Variants in FAF1 observed in about 807,000 individuals in gnomAD.
FAF1 encodes FAS-associated factor 1.
A neutral mutation model predicts 92.5 loss-of-function variants in FAF1; 25 were observed. The observed-to-expected ratio is 0.27, with a 90% confidence interval of 0.20 to 0.38. The LOEUF is 0.38. Among genes scored for constraint, FAF1 ranks in the 10% least tolerant of loss-of-function variants. The pLI is 1.00. For missense variants in FAF1, 636 were observed against 793.3 expected, an observed-to-expected ratio of 0.80 and a Z score of 2.38; for synonymous variants, 234 against 273.2, an observed-to-expected ratio of 0.86 and a Z score of 1.42.
chr1:50,895,555 C>A (rs536782104), intron 1 of FAF1, among the ~76,000 whole-genome samples: 1 of 152,126 alleles, frequency 6.6e-6, no homozygotes, highest in South Asian at 2.1e-4. Flanking sequence ...AAACCAAAGA[C>A]ACATCAAAAA....
chr1:50,691,686 G>A (rs1039223598), intron 7 of FAF1, among the ~76,000 whole-genome samples: 3 of 152,112 alleles, frequency 2.0e-5, no homozygotes, highest in Non-Finnish European at 4.4e-5. Context: ...CACCTCCCGG[G>A]TTCAAGCAAT....
chr1:50,747,531 T>G (rs1181652054), intron 4 of FAF1, among the ~76,000 whole-genome samples: 1 of 152,168 alleles, frequency 6.6e-6, no homozygotes, highest in Non-Finnish European at 1.5e-5. Flanking sequence ...GTAACCTGCT[T>G]TTGCTTTTAC....
Position 50,778,316 on chromosome 1 carries a change from T to C in FAF1, c.367+9684A>G, listed in dbSNP as rs147880501. Among the ~76,000 whole-genome samples, 130 of 152,282 alleles carry C rather than the reference T, an allele frequency of 8.5e-4. No individual in the cohort carries two copies. The East Asian group carries it at 0.016, about 19-fold the overall frequency. On this transcript the variant is annotated intron_variant, in intron 4 of 18. Transcript: ENST00000396153. ...CTTCTAACGTGCAATAAATATTCTCTATCTGGATCTGGGTGGTGGTGGTTC... is the reference window on the plus strand; with the variant it reads ...CTTCTAACGTGCAATAAATATTCTCCATCTGGATCTGGGTGGTGGTGGTTC...
chr1:50,483,911 G>T (rs1334476135), intron 17 of FAF1, among the ~76,000 whole-genome samples: 1 of 152,120 alleles, frequency 6.6e-6, no homozygotes, highest in Non-Finnish European at 1.5e-5. Flanking sequence ...GGTGGGGAGG[G>T]TAGGATCAGT....
At chr1:50,485,696 A>C (rs200989462) in intron 17 of FAF1, among the ~76,000 whole-genome samples, 8,996 of 141,440 alleles carry the variant, frequency 0.064, 405 homozygotes, top group Non-Finnish European at 0.087. Flanking sequence ...AAAAAAAAAA[A>C]CCAAAAAAAC....
chr1:50,516,866 G>A (rs1480556734), intron 15 of FAF1, among the ~76,000 whole-genome samples: 3 of 152,214 alleles, frequency 2.0e-5, no homozygotes, highest in Non-Finnish European at 4.4e-5. Context: ...TGGTTGCAAA[G>A]TTGAATCTAT....
chr1:50,688,034 C>G (rs1334806161), intron 7 of FAF1, among the ~76,000 whole-genome samples: 9 of 151,836 alleles, frequency 5.9e-5, no homozygotes, highest in Non-Finnish European at 1.5e-5. Context: ...ACTCGGGAGG[C>G]TGAGGCAGAA....
chr1:50,795,513 A>G (rs1661716887), intron 3 of FAF1, among the ~76,000 whole-genome samples: 1 of 152,190 alleles, frequency 6.6e-6, no homozygotes, highest in South Asian at 2.1e-4. Flanking sequence ...CTTACTAAAG[A>G]TTCAGTTATG....
At chr1:50,602,203 A>G (rs1446912412) in intron 8 of FAF1, among the ~76,000 whole-genome samples, 1 of 152,244 alleles carries the variant, frequency 6.6e-6, no homozygotes, top group African/African-American at 2.4e-5. Context: ...TTTGTAAAAT[A>G]CAATTCTCTT....
chr1:50,556,238 C>CAAAAAA (rs34420030), intron 13 of FAF1, among the ~76,000 whole-genome samples: 43 of 73,708 alleles, frequency 5.8e-4, no homozygotes, highest in East Asian at 1.0e-3. Flanking sequence ...ACTCCATCTC[C>CAAAAAA]AAAAAAAAAA....
chr1:50,681,523 T>C (rs972701212), intron 7 of FAF1, among the ~76,000 whole-genome samples: 2 of 152,170 alleles, frequency 1.3e-5, no homozygotes, highest in Non-Finnish European at 2.9e-5. Context: ...TTTTCTTTTT[T>C]TGAGACAGAG....
intron 4 of FAF1, among the ~76,000 whole-genome samples, chr1:50,760,306 G>A (rs1171243433): frequency 1.3e-5 from 2 of 152,140 alleles, no homozygotes; most frequent in African/African-American, 2.4e-5. Flanking sequence ...ACGATACCCA[G>A]GAATTGAACT....
At chr1:50,803,503 A>G (rs1662078131) in intron 2 of FAF1, among the ~76,000 whole-genome samples, 1 of 152,150 alleles carries the variant, frequency 6.6e-6, no homozygotes, top group Admixed American at 6.5e-5. Context: ...TCAGCCACAA[A>G]AGTCCTACCT....
intron 2 of FAF1, among the ~76,000 whole-genome samples, chr1:50,833,146 G>A (rs905414908): frequency 9.2e-5 from 14 of 151,962 alleles, no homozygotes; most frequent in South Asian, 4.2e-4. Context: ...GTCAGACTCC[G>A]TAGGTTTAAA....
At chr1:50,738,443 C>CAAA (rs533056212) in intron 6 of FAF1, among the ~76,000 whole-genome samples, 10 of 78,978 alleles carry the variant, frequency 1.3e-4, no homozygotes, top group African/African-American at 2.1e-4. Context: ...AACTCCGTCG[C>CAAA]AAAAAAAAAA....
intron 4 of FAF1, among the ~76,000 whole-genome samples, chr1:50,756,850 C>G (rs999967019): frequency 2.0e-5 from 3 of 152,306 alleles, no homozygotes; most frequent in African/African-American, 7.2e-5. Context: ...ATCACGAGAA[C>G]AGCATGGGAA....
In FAF1 at chr1:50,692,302, AT is replaced by A. The variant is rs963474105; in HGVS notation, c.657+13483del. ...GTGTGTGTGTGTGTGTGGTGGGAAC[AT>A]TTAAATTCTAATCTTTTAGCAATTT... On this transcript the variant is annotated intron_variant, in intron 7 of 18. Transcript: ENST00000396153. Among the ~76,000 whole-genome samples the A allele has an allele frequency of 1.3e-4, 18 of 137,022 alleles. 1 individual carries two copies. Among genetic ancestry groups the A allele is most frequent in the African/African-American group, 4.8e-4 (18 of 37,292 alleles). 89.9% of individuals were successfully genotyped at this position (137,022 alleles called of 152,430 possible).
chr1:50,481,600 G>T (rs1646704892), intron 17 of FAF1, among the ~76,000 whole-genome samples: 1 of 152,102 alleles, frequency 6.6e-6, no homozygotes, highest in Non-Finnish European at 1.5e-5. Context: ...CACATCAACG[G>T]AATTGCCAAT....
intron 6 of FAF1, among the ~76,000 whole-genome samples, chr1:50,724,306 C>CACACACATACACACACACACACAT (rs1553132429): frequency 1.4e-5 from 2 of 145,232 alleles, no homozygotes; most frequent in African/African-American, 2.6e-5. Context: ...TACACACACA[C>CACACACATACACACACACACACAT]ACACACACAC....
Sources: gnomAD v4.1 joint callset for allele counts (sites outside exome capture counted in the v4.1 genomes callset) on GRCh38, gnomAD v4.1.1 for gene constraint, MANE v1.5 for transcripts, NCBI Gene and HGNC (gene_info 2026-07-23, HGNC 2026-07-21) for gene names.